The following PNPO variants were observed in gnomAD, a reference collection of about 807,000 sequenced individuals.
The protein encoded by PNPO is pyridoxamine 5'-phosphate oxidase.
A neutral mutation model predicts 35.0 loss-of-function variants in PNPO; 39 were observed. That is an observed-to-expected ratio of 1.11 (90% CI 0.86 to 1.45). The LOEUF is 1.45. Ranked by LOEUF, PNPO falls within the 40% of genes most tolerant of loss-of-function variation. PNPO has a pLI of 0.00. For synonymous variants in PNPO, 115 were observed against 119.8 expected, an observed-to-expected ratio of 0.96 and a Z score of 0.26; for missense variants, 288 against 340.0, an observed-to-expected ratio of 0.85 and a Z score of 1.20.
chr17:47,946,916 T>C lies in PNPO; in HGVS notation c.*134T>C. The C allele has an allele frequency of 1.3e-6, 1 of 766,114 alleles. No homozygotes were observed. The highest frequency in any genetic ancestry group is 2.2e-5 in the Admixed American group (1 of 45,098). 47.5% of individuals were successfully genotyped at this position (766,114 alleles called of 1,614,324 possible). On this transcript the variant is annotated 3_prime_UTR_variant, in exon 7 of 7. Coordinates refer to ENST00000642017, the MANE Select transcript of PNPO (RefSeq NM_018129.4). ...CCTTATCTTCAGGACTCTTCAGAGC[T>C]AATCCTCTAAGTTCTCTGTACTCAG...
rs933585164 is a variant in PNPO at position 47,947,093 on chromosome 17, TGACA to T, written c.*317_*320del. ...GCAGCCGGTGTGACTCCCTTTCTGG[TGACA>T]GACAGGGCCCCAGCAGCCCTGTCTG... On this transcript the variant is annotated 3_prime_UTR_variant, in exon 7 of 7. Coordinates refer to ENST00000642017, the MANE Select transcript of PNPO (RefSeq NM_018129.4). The T allele has an allele frequency of 7.3e-5, 27 of 370,440 alleles. No homozygotes were observed. The highest frequency in any genetic ancestry group is 2.5e-4 in the African/African-American group (12 of 48,314). The allele number at this position is 370,440 out of a possible 1,614,324, so 22.9% of individuals were successfully genotyped here.
At chr17:47,942,361 C>A (rs1198509019) in intron 1 of PNPO, among the ~76,000 whole-genome samples, 1 of 151,964 alleles carries the variant, frequency 6.6e-6, no homozygotes, top group Non-Finnish European at 1.5e-5. Flanking sequence ...GAGGAAACAG[C>A]CCCTCAGGGC....
chr17:47,944,472 C>T, intron 2 of PNPO, 144 bp from the exon 3 acceptor site: 1 of 769,014 alleles, frequency 1.3e-6, no homozygotes, highest in Non-Finnish European at 2.4e-6. Flanking sequence ...GACAAATCCC[C>T]AGGAGCACAT....
Position 47,946,322 on chromosome 17 carries a change from G to A in PNPO, c.547-1G>A, listed in dbSNP as rs887046625. 6.2e-7 allele frequency: 1 copy of A among 1,609,340 alleles called. No individual in the cohort carries two copies. The highest frequency in any genetic ancestry group is 1.3e-5 in the African/African-American group (1 of 74,990). On this transcript the variant is annotated splice_acceptor_variant, in intron 5 of 6. Transcript: ENST00000642017. LOFTEE classifies it high-confidence loss of function. ...TTCTTCTAACTCTTCCCCCTGGACA[G>A]TATCTGAGAAAGAAAAATGAGGAAC...
In PNPO at chr17:47,948,952, T is replaced by C. The variant is rs2036041858; in HGVS notation, c.*2170T>C. 1 of 152,424 alleles carries C rather than the reference T, an allele frequency of 6.6e-6. No individual in the cohort carries two copies. Among genetic ancestry groups the C allele is most frequent in the Non-Finnish European group, 1.5e-5 (1 of 68,162 alleles). The allele number at this position is 152,424 out of a possible 1,614,324, so 9.4% of individuals were successfully genotyped here. Reference sequence around the variant, plus strand: ...GTGAACTGTGCTTCCTTCCCCTGCATGGACCTGTGCCTCAGTCACTATTAT... The same window carrying C: ...GTGAACTGTGCTTCCTTCCCCTGCACGGACCTGTGCCTCAGTCACTATTAT... On this transcript the variant is annotated 3_prime_UTR_variant, in exon 7 of 7. Transcript: ENST00000642017.
Position 47,945,123 on chromosome 17 carries a change from T to G in PNPO, c.363+408T>G. ...TTGTCTCCTCTGCTCAACAGTAAGC[T>G]CTGTAGGAGTGGAGGCTGCTCTGTT... On this transcript the variant is annotated intron_variant, in intron 3 of 6. Transcript: ENST00000642017. This position sits in a 1 kb window ranked among gnomAD's most constrained non-coding sequence, Gnocchi z 4.0. 1 of 379,102 alleles carries G rather than the reference T, an allele frequency of 2.6e-6. No homozygotes were observed. The highest frequency in any genetic ancestry group is 5.0e-6 in the Non-Finnish European group (1 of 198,692). The allele number at this position is 379,102 out of a possible 1,614,324, so 23.5% of individuals were successfully genotyped here. A position where few individuals can be genotyped will look rare whatever the true frequency, so the allele number is the denominator to read the frequency against.
rs781725020 is a variant in PNPO at position 47,945,509 on chromosome 17, C to T, written c.364-50C>T. On this transcript the variant is annotated intron_variant, in intron 3 of 6. Transcript: ENST00000642017. This position sits in a 1 kb window ranked among gnomAD's most constrained non-coding sequence, Gnocchi z 4.0. ...CTGCCTTTTCCCTGCATGCCGGAGG[C>T]CTCCTCTCCCTGTCCTGATGGCTGG... The T allele has an allele frequency of 2.0e-5, 29 of 1,463,672 alleles. No individual in the cohort carries two copies. In the South Asian group the frequency reaches 3.3e-4, roughly 17 times the overall value. 90.7% of individuals were successfully genotyped at this position (1,463,672 alleles called of 1,614,324 possible).
rs1341677186 is a variant in PNPO, at chr17:47,948,620, C to T, written c.*1838C>T. On this transcript the variant is annotated 3_prime_UTR_variant, in exon 7 of 7. Transcript: ENST00000642017. ...TGGCAGCGCCTTAGAGATTCAGACCCCAGACCCACTGAATCTGACCCTGCA... is the reference window on the plus strand; with the variant it reads ...TGGCAGCGCCTTAGAGATTCAGACCTCAGACCCACTGAATCTGACCCTGCA... 1.3e-5 allele frequency: 2 copies of T among 152,322 alleles called. No individual in the cohort carries two copies. Among genetic ancestry groups the T allele is most frequent in the Non-Finnish European group, 2.9e-5 (2 of 68,116 alleles). The allele number at this position is 152,322 out of a possible 1,614,324, so 9.4% of individuals were successfully genotyped here.
rs1386669361 is a variant in PNPO at position 47,946,394 on chromosome 17, G to C, written c.617+1G>C. 6.2e-7 allele frequency: 1 copy of C among 1,608,824 alleles called. No homozygotes were observed. On this transcript the variant is annotated splice_donor_variant, in intron 6 of 6. Transcript: ENST00000642017. LOFTEE classifies it high-confidence loss of function. Reference sequence around the variant, plus strand: ...AAGAGGTGCCCAAGCCAAAATCCTGGTGAGTGACATCTGGTAGTCCTCTAG... The same window carrying C: ...AAGAGGTGCCCAAGCCAAAATCCTGCTGAGTGACATCTGGTAGTCCTCTAG...
intron 1 of PNPO, chr17:47,942,142 C>A: frequency 1.5e-6 from 1 of 685,186 alleles, no homozygotes; most frequent in Non-Finnish European, 2.0e-6. Flanking sequence ...TAGTATCTGC[C>A]TCACGGGGAT....
Position 47,941,830 on chromosome 17 carries a change from C to T in PNPO, c.138+17C>T. 1 of 1,556,462 alleles carries T rather than the reference C, an allele frequency of 6.4e-7. No individual in the cohort carries two copies. The highest frequency in any genetic ancestry group is 8.7e-7 in the Non-Finnish European group (1 of 1,148,298). The stretch of plus-strand genomic sequence containing the variant: ...GACCGAGAGGTGCCGCCGCTAGGGC[C>T]AGGCCTCCTGCAGGGGCGGGGGAAA... On this transcript the variant is annotated intron_variant, in intron 1 of 6. Transcript: ENST00000642017.
Position 47,943,364 on chromosome 17 carries a change from T to A in PNPO, c.197T>A (p.Phe66Tyr). Reference sequence around the variant, plus strand: ...CCAGTGAAACAGTTTGCTGCCTGGTTTGAGGAGGCTGTTCAGTGTCCTGAC... The same window carrying A: ...CCAGTGAAACAGTTTGCTGCCTGGTATGAGGAGGCTGTTCAGTGTCCTGAC... ...LDPVKQFAAW[F>Y]EEAVQCPDIG... The change falls in exon 2 of 7, where the codon TTT becomes TAT. Residue 66 changes from phenylalanine (F) to tyrosine (Y), a missense_variant. Transcript: ENST00000642017. 1 of 1,614,096 alleles carries A rather than the reference T, an allele frequency of 6.2e-7. No individual in the cohort carries two copies. The highest frequency in any genetic ancestry group is 8.5e-7 in the Non-Finnish European group (1 of 1,179,920).
Position 47,941,776 on chromosome 17 carries a change from TG to T in PNPO, c.104del (p.Gly35AspfsTer19). 1 of 1,569,066 alleles carries T rather than the reference TG, an allele frequency of 6.4e-7. No individual in the cohort carries two copies. On this transcript the variant is annotated frameshift_variant, in exon 1 of 7. Transcript: ENST00000642017. LOFTEE classifies it high-confidence loss of function. Reference sequence around the variant, plus strand: ...TGTGGTCGCAGTGCTGCCATGGACCTGGGACCCATGCGCAAGAGTTACCGCG... The same window carrying T: ...TGTGGTCGCAGTGCTGCCATGGACCTGGACCCATGCGCAAGAGTTACCGCG... ...HLCGRSAAMD[L>X]GPMRKSYRGD...
intron 1 of PNPO, 190 bp downstream of exon 1, chr17:47,942,003 C>T: frequency 7.6e-7 from 1 of 1,322,648 alleles, no homozygotes; most frequent in South Asian, 2.2e-5. Context: ...GGAGGAGTTC[C>T]GGGGAAACGC....
At chr17:47,941,890 A>G in intron 1 of PNPO, 77 bp downstream of exon 1, 1 of 1,469,640 alleles carries the variant, frequency 6.8e-7, no homozygotes, top group East Asian at 2.6e-5. Context: ...CGGGGAGGGG[A>G]GTAGTAGGAG....
At position 47,941,668 on chromosome 17, in the gene PNPO, G is replaced by A. The variant is rs1182966083; in HGVS notation, c.-8G>A. The A allele has an allele frequency of 6.6e-7, 1 of 1,524,710 alleles. No individual in the cohort carries two copies. Among genetic ancestry groups the A allele is most frequent in the African/African-American group, 1.4e-5 (1 of 72,508 alleles). The allele number at this position is 1,524,710 out of a possible 1,614,324, so 94.4% of individuals were successfully genotyped here. A position where few individuals can be genotyped will look rare whatever the true frequency, so the allele number is the denominator to read the frequency against. On this transcript the variant is annotated 5_prime_UTR_variant, in exon 1 of 7. Transcript: ENST00000642017. ...GCCACAGCCGGGTCACGTGGCCGGC[G>A]GCCCCCCATGACGTGCTGGCTGCGG...
At chr17:47,946,121 A>C in intron 5 of PNPO, 132 bp downstream of exon 5, 1 of 1,293,728 alleles carries the variant, frequency 7.7e-7, no homozygotes, top group Non-Finnish European at 1.1e-6. Context: ...AACAGTGAAA[A>C]GGACAGTGAG....
At position 47,946,888 on chromosome 17, in the gene PNPO, A is replaced by T. The variant is rs117508783; in HGVS notation, c.*106A>T. The T allele has an allele frequency of 0.041, 41,561 of 1,015,554 alleles. 1,083 individuals are homozygous for T. The highest frequency in any genetic ancestry group is 0.068 in the South Asian group (5,162 of 76,148). 62.9% of individuals were successfully genotyped at this position (1,015,554 alleles called of 1,614,324 possible). Reference sequence around the variant, plus strand: ...CTAAACTCAACCCATTTCCCTCCCTACCCCTTATCTTCAGGACTCTTCAGA... The same window carrying T: ...CTAAACTCAACCCATTTCCCTCCCTTCCCCTTATCTTCAGGACTCTTCAGA... On this transcript the variant is annotated 3_prime_UTR_variant, in exon 7 of 7. Transcript: ENST00000642017.
rs957584543 is a variant in PNPO at position 47,941,789 on chromosome 17, C to T, written c.114C>T (p.Arg38=). The T allele has an allele frequency of 2.5e-6, 4 of 1,570,072 alleles. No homozygotes were observed. In the African/African-American group the frequency reaches 4.1e-5, roughly 16 times the overall value. The change falls in exon 1 of 7, where the codon CGC becomes CGT. Residue 38 remains arginine, a synonymous_variant. Coordinates refer to ENST00000642017, the MANE Select transcript of PNPO (RefSeq NM_018129.4). ...CTGCCATGGACCTGGGACCCATGCGCAAGAGTTACCGCGGGGACCGAGAGG... is the reference window on the plus strand; with the variant it reads ...CTGCCATGGACCTGGGACCCATGCGTAAGAGTTACCGCGGGGACCGAGAGG... ...RSAAMDLGPM[R]KSYRGDREAF... is the part of the protein sequence containing the mutation.
Sources: gnomAD v4.1 joint callset for allele counts (sites outside exome capture counted in the v4.1 genomes callset) on GRCh38, gnomAD v4.1.1 for gene constraint, Gnocchi (gnomAD v3.1) non-coding constraint, MANE v1.5 for transcripts, NCBI Gene and HGNC (gene_info 2026-07-23, HGNC 2026-07-21) for gene names.